Variants in FHOD3 observed in about 807,000 individuals in gnomAD.
The protein encoded by FHOD3 is formin homology 2 domain containing 3.
FHOD3 carries 90 observed loss-of-function variants against 173.0 expected under a neutral mutation model. That is an observed-to-expected ratio of 0.52 (90% CI 0.44 to 0.62). The LOEUF is 0.62. Among genes scored for constraint, FHOD3 ranks in the 20% least tolerant of loss-of-function variants. The pLI is 0.00. For synonymous variants in FHOD3, 828 were observed against 823.0 expected (o/e 1.01, Z -0.10); for missense variants, 1,945 against 2,034.7 (o/e 0.96, Z 0.85).
chr18:36,488,656 C>G (rs2054310407), intron 3 of FHOD3, among the ~76,000 whole-genome samples: 1 of 152,206 alleles, frequency 6.6e-6, no homozygotes, highest in African/African-American at 2.4e-5. Context: ...AGGTGTGTTT[C>G]CAACATGATC....
intron 3 of FHOD3, among the ~76,000 whole-genome samples, chr18:36,420,501 G>A (rs1397114363): frequency 1.3e-5 from 2 of 152,190 alleles, no homozygotes; most frequent in Admixed American, 6.5e-5. Flanking sequence ...GCTGCCTCGG[G>A]AGGTGACTGT....
chr18:36,463,668 G>A (rs1037430155), intron 3 of FHOD3, among the ~76,000 whole-genome samples: 2 of 151,820 alleles, frequency 1.3e-5, no homozygotes, highest in Non-Finnish European at 2.9e-5. Flanking sequence ...GCTAATTTTT[G>A]TATTTTCTGT....
chr18:36,520,683 C>G (rs189145348), intron 5 of FHOD3, among the ~76,000 whole-genome samples: 2 of 152,338 alleles, frequency 1.3e-5, no homozygotes, highest in East Asian at 3.9e-4. Flanking sequence ...CCATTGTTGT[C>G]TCAGTCTTGG....
intron 1 of FHOD3, among the ~76,000 whole-genome samples, chr18:36,319,970 GGGA>G (rs1406306246): frequency 6.6e-6 from 1 of 152,170 alleles, no homozygotes; most frequent in African/African-American, 2.4e-5. Context: ...CAGAATCTCT[GGGA>G]CACATTTAAA....
At chr18:36,325,295 T>G (rs779205511) in intron 1 of FHOD3, among the ~76,000 whole-genome samples, 8 of 152,144 alleles carry the variant, frequency 5.3e-5, no homozygotes, top group Non-Finnish European at 1.2e-4. Context: ...TTTATATAGC[T>G]TTCTACACGT....
At chr18:36,594,945 TG>T (rs1208500006) in intron 7 of FHOD3, 47 bp downstream of exon 7, 2 of 1,248,088 alleles carry the variant, frequency 1.6e-6, no homozygotes, top group Non-Finnish European at 2.3e-6. Flanking sequence ...AGGTGTCTAA[TG>T]TAGGGAGGCT....
intron 14 of FHOD3, among the ~76,000 whole-genome samples, chr18:36,678,050 A>C (rs751247902): frequency 1.2e-3 from 176 of 152,318 alleles, no homozygotes; most frequent in Non-Finnish European, 1.8e-3. Flanking sequence ...ATAAAATAAC[A>C]TAGGTTTTCT....
In FHOD3 at chr18:36,466,365, A is replaced by G. The variant is rs536246343; in HGVS notation, c.338-35567A>G. Reference sequence around the variant, plus strand: ...AAGGGGAGATATTTCTCTGCAGGAGACAAGCAAGGAGGACTAGGCAGCTGT... The same window carrying G: ...AAGGGGAGATATTTCTCTGCAGGAGGCAAGCAAGGAGGACTAGGCAGCTGT... On this transcript the variant is annotated intron_variant, in intron 3 of 28. Coordinates refer to ENST00000590592, the MANE Select transcript of FHOD3 (RefSeq NM_001281740.3). Among the ~76,000 whole-genome samples the G allele has an allele frequency of 3.3e-5, 5 of 152,252 alleles. No homozygotes were observed. In the South Asian group the frequency reaches 1.0e-3, roughly 32 times the overall value.
At chr18:36,341,640 C>T (rs2045628647) in intron 1 of FHOD3, among the ~76,000 whole-genome samples, 2 of 152,154 alleles carry the variant, frequency 1.3e-5, no homozygotes, top group Admixed American at 6.5e-5. Context: ...TTCAACATTC[C>T]AGGCATTCAT....
intron 17 of FHOD3, among the ~76,000 whole-genome samples, chr18:36,702,373 A>G (rs2039638779): frequency 6.6e-6 from 1 of 152,220 alleles, no homozygotes; most frequent in Non-Finnish European, 1.5e-5. Flanking sequence ...CAAGTGAACA[A>G]CCTAGGAAGA....
At chr18:36,471,901 T>C (rs2053307760) in intron 3 of FHOD3, among the ~76,000 whole-genome samples, 1 of 152,196 alleles carries the variant, frequency 6.6e-6, no homozygotes, top group African/African-American at 2.4e-5. Flanking sequence ...TTCATAGTGT[T>C]TGTGGGCAAT....
chr18:36,712,070 T>C (rs971080218), intron 18 of FHOD3, among the ~76,000 whole-genome samples: 1 of 152,182 alleles, frequency 6.6e-6, no homozygotes, highest in Admixed American at 6.5e-5. Flanking sequence ...CTTGCTGGGG[T>C]GGTGACAGAA....
chr18:36,445,879 A>G (rs1404810528), intron 3 of FHOD3, among the ~76,000 whole-genome samples: 1 of 152,186 alleles, frequency 6.6e-6, no homozygotes. Context: ...CTTTACCATA[A>G]GTAAGGTTGA....
chr18:36,636,738 G>A (rs1312309669), intron 10 of FHOD3, among the ~76,000 whole-genome samples: 1 of 151,582 alleles, frequency 6.6e-6, no homozygotes, highest in Admixed American at 6.6e-5. Context: ...CCCTCATAAG[G>A]AGGTGGCTGG....
In FHOD3 at chr18:36,687,188, T is replaced by TTTC. The variant is rs1163525393; in HGVS notation, c.2021+16_2021+18dup. 1.7e-5 allele frequency: 28 copies of TTTC among 1,600,524 alleles called. No homozygotes were observed. Among genetic ancestry groups the TTTC allele is most frequent in the Non-Finnish European group, 1.9e-5 (22 of 1,169,356 alleles). On this transcript the variant is annotated intron_variant, in intron 16 of 28. Transcript: ENST00000590592. ...AAGCAAGAGAAGAAAGGTTTGTATA[T>TTTC]TTCTTCTTTCCCATTGTAACAAATG...
chr18:36,609,328 G>A (rs185761892), intron 8 of FHOD3, among the ~76,000 whole-genome samples: 5 of 151,346 alleles, frequency 3.3e-5, no homozygotes, highest in Admixed American at 2.6e-4. Context: ...TGGAAGTGTG[G>A]TAGAATTTGA....
chr18:36,512,583 AG>A (rs755740367), intron 5 of FHOD3, 40 bp downstream of exon 5: 5 of 1,429,596 alleles, frequency 3.5e-6, no homozygotes, highest in Admixed American at 1.7e-5. Flanking sequence ...CCCCAGCTGC[AG>A]GGGGGATCTG....
rs1033846556 is a variant in FHOD3 at position 36,620,240 on chromosome 18, A to G, written c.958-5271A>G. On this transcript the variant is annotated intron_variant, in intron 9 of 28. Coordinates refer to ENST00000590592, the MANE Select transcript of FHOD3 (RefSeq NM_001281740.3). ...GTGTCTGAAGTTTCAACCACACTCAACTTCTCCTGTTTTTGAACATGAAAG... is the reference window on the plus strand; with the variant it reads ...GTGTCTGAAGTTTCAACCACACTCAGCTTCTCCTGTTTTTGAACATGAAAG... Among the ~76,000 whole-genome samples, 6 of 152,320 alleles carry G rather than the reference A, an allele frequency of 3.9e-5. 1 individual carries two copies. Among genetic ancestry groups the G allele is most frequent in the Admixed American group, 3.3e-4 (5 of 15,302 alleles).
intron 5 of FHOD3, among the ~76,000 whole-genome samples, chr18:36,536,202 T>A (rs1437786440): frequency 1.3e-5 from 2 of 152,234 alleles, no homozygotes; most frequent in Non-Finnish European, 2.9e-5. Context: ...CCCTTGATTA[T>A]GTTATACAAA....
Sources: allele counts gnomAD v4.1 joint callset (sites outside exome capture counted in the v4.1 genomes callset), GRCh38; gene constraint gnomAD v4.1.1; transcripts MANE v1.5; gene names NCBI Gene and HGNC (gene_info 2026-07-23, HGNC 2026-07-21).